DPYS: variants seen among roughly 807,000 people sequenced by gnomAD.
DPYS encodes the protein dihydropyrimidine amidohydrolase.
DPYS carries 39 observed loss-of-function variants against 50.3 expected under a neutral mutation model. The observed-to-expected ratio is 0.78, with a 90% CI of 0.60 to 1.01. The LOEUF (loss-of-function observed/expected upper bound fraction) is 1.01, where lower values mean the gene tolerates loss of function less well. DPYS is among the 50% of genes least tolerant of loss of function. The pLI is 0.00. For synonymous variants in DPYS, 245 were observed against 250.7 expected, an observed-to-expected ratio of 0.98 and a Z score of 0.22; for missense variants, 659 against 680.9, an observed-to-expected ratio of 0.97 and a Z score of 0.36.
At chr8:104,438,329 G>T (rs903006770) in intron 4 of DPYS, among the ~76,000 whole-genome samples, 1 of 152,158 alleles carries the variant, frequency 6.6e-6, no homozygotes, top group Non-Finnish European at 1.5e-5. Flanking sequence ...GGTAAAGAAG[G>T]CATATATTTC....
Position 104,444,366 on chromosome 8 carries a change from CACT to C in DPYS, c.672_674del (p.Val225del). The C allele has an allele frequency of 6.2e-7, 1 of 1,614,260 alleles. No individual in the cohort carries two copies. Among genetic ancestry groups the C allele is most frequent in the Non-Finnish European group, 8.5e-7 (1 of 1,180,054 alleles). On this transcript the variant is annotated inframe_deletion, in exon 4 of 10. Transcript: ENST00000351513. Reference sequence around the variant, plus strand: ...TGGCTCTCAGCGTGGCCTCTGCCTCCACTGCCTCTGGGCGGCACAGCTCGTGGC... The same window carrying C: ...TGGCTCTCAGCGTGGCCTCTGCCTCCGCCTCTGGGCGGCACAGCTCGTGGC...
Position 104,429,677 on chromosome 8 carries a change from A to G in DPYS, c.818T>C (p.Ile273Thr), listed in dbSNP as rs1213281806. Residue 273 changes from isoleucine (I) to threonine (T), a missense_variant, in exon 5 of 10, where the codon ATA becomes ACA. Physicochemically the swap from Ile to Thr is moderately conservative, Grantham distance 89 (BLOSUM62 -1). Transcript: ENST00000351513. ...GCCATCTGTGCCAAGACTGGCTGCT[A>G]TGGGTTCACCATAGACCACCTTCCC... is the stretch of plus-strand genomic sequence containing the variant. ...RDGKVVYGEP[I>T]AASLGTDGTH... 2 of 1,614,006 alleles carry G rather than the reference A, an allele frequency of 1.2e-6. No individual in the cohort carries two copies. Among genetic ancestry groups the G allele is most frequent in the Non-Finnish European group, 1.7e-6 (2 of 1,180,006 alleles).
At chr8:104,448,843 C>T (rs1813631508) in intron 2 of DPYS, among the ~76,000 whole-genome samples, 2 of 152,152 alleles carry the variant, frequency 1.3e-5, no homozygotes, top group South Asian at 2.1e-4. Flanking sequence ...ATTGCTACCA[C>T]TGTTTATTCC....
intron 4 of DPYS, among the ~76,000 whole-genome samples, chr8:104,442,283 T>C (rs1365411592): frequency 6.6e-6 from 1 of 152,252 alleles, no homozygotes; most frequent in Non-Finnish European, 1.5e-5. Context: ...ACTTTTACTT[T>C]GCTCCTAATG....
At chr8:104,380,804 A>G in intron 9 of DPYS, 1 of 189,298 alleles carries the variant, frequency 5.3e-6, no homozygotes, top group East Asian at 1.2e-4. Flanking sequence ...TTGTATTTAC[A>G]ATATGAAGAT....
At position 104,466,792 on chromosome 8, in the gene DPYS, C is replaced by A; in HGVS notation, c.129G>T (p.Gly43=). 1 of 1,534,208 alleles carries A rather than the reference C, an allele frequency of 6.5e-7. No individual in the cohort carries two copies. Residue 43 remains glycine (G), a synonymous_variant, in exon 1 of 10, where the codon GGG becomes GGT. Coordinates refer to ENST00000351513, the MANE Select transcript of DPYS (RefSeq NM_001385.3). ...GGACCCGCAGCCCCGCAGGAGCGCC[C>A]CCGGGAGGCAGCAGGTCGTGCCCGA... The part of the protein sequence containing the change: ...RALGHDLLPP[G]GAPAGLRVLD...
chr8:104,398,682 G>A lies in DPYS; in HGVS notation c.1236-5691C>T, dbSNP rs370173872. 4.2e-4 allele frequency among the ~76,000 whole-genome samples: 64 copies of A among 152,334 alleles called. No individual in the cohort carries two copies. The East Asian group carries it at 0.011, about 26-fold the overall frequency. ...AAGGCTGAACCCAACTGCCCTCCAG[G>A]CATTGTCCCTAAGAGAGGCCCTGGA... On this transcript the variant is annotated intron_variant, in intron 7 of 9. Transcript: ENST00000351513.
intron 1 of DPYS, among the ~76,000 whole-genome samples, chr8:104,458,577 G>T (rs565299664): frequency 6.6e-6 from 1 of 152,276 alleles, no homozygotes; most frequent in African/African-American, 2.4e-5. Flanking sequence ...GCCCATTACA[G>T]TACCTGGCAC....
intron 7 of DPYS, among the ~76,000 whole-genome samples, chr8:104,423,610 A>G (rs1812622850): frequency 6.6e-6 from 1 of 152,244 alleles, no homozygotes. Flanking sequence ...TGCAAAATTT[A>G]TGAAAAACAC....
Position 104,392,783 on chromosome 8 carries a change from C to T in DPYS, c.1443+1G>A, listed in dbSNP as rs201884363. On this transcript the variant is annotated splice_donor_variant, in intron 8 of 9. Coordinates refer to ENST00000351513, the MANE Select transcript of DPYS (RefSeq NM_001385.3). LOFTEE classifies it high-confidence loss of function. ...GCAGTATCCCACTGTGGCACACTCA[C>T]CCGGTCTCGCTGCTTTATTCGTTTG... 2.9e-5 allele frequency: 46 copies of T among 1,613,972 alleles called. No homozygotes were observed. Among genetic ancestry groups the T allele is most frequent in the Non-Finnish European group, 3.8e-5 (45 of 1,179,988 alleles).
intron 4 of DPYS, among the ~76,000 whole-genome samples, chr8:104,432,012 C>G (rs1812972349): frequency 6.6e-6 from 1 of 152,146 alleles, no homozygotes; most frequent in Non-Finnish European, 1.5e-5. Flanking sequence ...CTACACTTAG[C>G]TGGTTGGCAA....
chr8:104,457,447 T>G (rs957928977), intron 1 of DPYS, among the ~76,000 whole-genome samples: 1 of 152,228 alleles, frequency 6.6e-6, no homozygotes, highest in Admixed American at 6.5e-5. Context: ...TGGACTACAG[T>G]TGACCTCAGG....
At chr8:104,403,880 A>C (rs1344001223) in intron 7 of DPYS, among the ~76,000 whole-genome samples, 2 of 152,214 alleles carry the variant, frequency 1.3e-5, no homozygotes, top group Non-Finnish European at 2.9e-5. Context: ...AAAGTCAGAG[A>C]GAACTTCAAG....
chr8:104,388,783 T>A (rs1811296197), intron 8 of DPYS, among the ~76,000 whole-genome samples: 1 of 152,210 alleles, frequency 6.6e-6, no homozygotes, highest in Non-Finnish European at 1.5e-5. Flanking sequence ...GATAAAAACG[T>A]CTTCTCTTTC....
chr8:104,441,968 A>G (rs1227896677), intron 4 of DPYS, among the ~76,000 whole-genome samples: 1 of 151,914 alleles, frequency 6.6e-6, no homozygotes, highest in East Asian at 1.9e-4. Flanking sequence ...GACAAGGTGT[A>G]TAGTATGCTA....
At chr8:104,401,382 C>A (rs1474453734) in intron 7 of DPYS, among the ~76,000 whole-genome samples, 1 of 151,538 alleles carries the variant, frequency 6.6e-6, no homozygotes, top group East Asian at 1.9e-4. Flanking sequence ...ACACTCACCC[C>A]AGTTTACACA....
In DPYS at chr8:104,385,719, A is replaced by G. The variant is rs1321761887; in HGVS notation, c.1444-4405T>C. Among the ~76,000 whole-genome samples, 3 of 152,316 alleles carry G rather than the reference A, an allele frequency of 2.0e-5. No individual in the cohort carries two copies. In the East Asian group the frequency reaches 5.8e-4, roughly 29 times the overall value. ...ATGAGGGCTCTGCCTTTATGAATGG[A>G]TTAATGCTGTTATCTTAGGAGTGCA... On this transcript the variant is annotated intron_variant, in intron 8 of 9. Transcript: ENST00000351513.
At chr8:104,389,922 G>A (rs929650787) in intron 8 of DPYS, among the ~76,000 whole-genome samples, 1 of 152,196 alleles carries the variant, frequency 6.6e-6, no homozygotes, top group Non-Finnish European at 1.5e-5. Context: ...AAAAATTTCA[G>A]TTGGCATTAA....
chr8:104,459,787 C>T (rs545934993), intron 1 of DPYS, among the ~76,000 whole-genome samples: 1 of 152,298 alleles, frequency 6.6e-6, no homozygotes, highest in South Asian at 2.1e-4. Context: ...TGGAAGCTGA[C>T]ACCATACCTA....
Sources: gnomAD v4.1 joint callset for allele counts (sites outside exome capture counted in the v4.1 genomes callset) on GRCh38, gnomAD v4.1.1 for gene constraint, MANE v1.5 for transcripts, NCBI Gene and HGNC (gene_info 2026-07-23, HGNC 2026-07-21) for gene names.